RTN1: variants seen among roughly 807,000 people sequenced by gnomAD.
The protein encoded by RTN1 is reticulon 1.
In RTN1, 25 loss-of-function variants were observed where a neutral mutation model predicts 65.5. That is an observed-to-expected ratio of 0.38 (90% CI 0.28 to 0.53). The LOEUF (loss-of-function observed/expected upper bound fraction) is 0.53, where lower values mean the gene tolerates loss of function less well. RTN1 is among the 20% of genes least tolerant of loss of function. RTN1 has a pLI of 0.79. For missense variants in RTN1, 983 were observed against 1,025.4 expected (o/e 0.96, Z 0.57); for synonymous variants, 471 against 447.6 (o/e 1.05, Z -0.66).
chr14:59,829,452 T>C lies in RTN1; in HGVS notation c.241+40938A>G, dbSNP rs1007025771. ...AAATCTCAGTGACTTAAATATTTTA[T>C]AGTTATGTAAGTAACACCCATGGGG... On this transcript the variant is annotated intron_variant, in intron 1 of 8. Coordinates refer to ENST00000267484, the MANE Select transcript of RTN1 (RefSeq NM_021136.3). This position sits in a 1 kb window ranked among gnomAD's most constrained non-coding sequence, Gnocchi z 4.3. 6.6e-6 allele frequency among the ~76,000 whole-genome samples: 1 copy of C among 152,210 alleles called. No individual in the cohort carries two copies. The highest frequency in any genetic ancestry group is 2.4e-5 in the African/African-American group (1 of 41,456).
intron 2 of RTN1, among the ~76,000 whole-genome samples, chr14:59,733,478 C>G (rs1884943849): frequency 6.6e-6 from 1 of 151,908 alleles, no homozygotes; most frequent in Non-Finnish European, 1.5e-5. Flanking sequence ...CATCTGCTGG[C>G]ACATATTAGG....
chr14:59,677,785 C>A (rs1469605531), intron 3 of RTN1, among the ~76,000 whole-genome samples: 3 of 152,024 alleles, frequency 2.0e-5, no homozygotes, highest in Non-Finnish European at 4.4e-5. Context: ...CCAAAGGTGA[C>A]AATAACTCAG....
intron 3 of RTN1, among the ~76,000 whole-genome samples, chr14:59,636,679 T>C (rs1395008830): frequency 6.6e-6 from 1 of 152,218 alleles, no homozygotes; most frequent in Non-Finnish European, 1.5e-5. Flanking sequence ...CTTAGAGATA[T>C]TGTGGGTTCT....
In RTN1 at chr14:59,870,711, C is replaced by T. The variant is rs1409916529; in HGVS notation, c.-81G>A. The T allele has an allele frequency of 5.5e-6, 7 of 1,266,644 alleles. No individual in the cohort carries two copies. The highest frequency in any genetic ancestry group is 6.9e-6 in the Non-Finnish European group (7 of 1,007,738). 78.5% of individuals were successfully genotyped at this position (1,266,644 alleles called of 1,614,324 possible). A position where few individuals can be genotyped will look rare whatever the true frequency, so the allele number is the denominator to read the frequency against. On this transcript the variant is annotated 5_prime_UTR_variant, in exon 1 of 9. Coordinates refer to ENST00000267484, the MANE Select transcript of RTN1 (RefSeq NM_021136.3). This position sits in a 1 kb window ranked among gnomAD's most constrained non-coding sequence, Gnocchi z 5.1. ...CTGCGCGGGCGCTCCCTGCTGCTGT[C>T]CCCGGAGGGACTCGGCGCTCAGGGA... is the stretch of plus-strand genomic sequence containing the variant.
chr14:59,628,089 C>T (rs531427545), intron 3 of RTN1, among the ~76,000 whole-genome samples: 13 of 152,100 alleles, frequency 8.5e-5, no homozygotes, highest in Admixed American at 2.6e-4. Context: ...AATCCCAACA[C>T]TTTGGGAGGC....
intron 1 of RTN1, among the ~76,000 whole-genome samples, chr14:59,839,305 T>C (rs1347264700): frequency 6.6e-6 from 1 of 152,228 alleles, no homozygotes; most frequent in Non-Finnish European, 1.5e-5. Context: ...ACAGGAACCC[T>C]ATCTTCCTTT....
At chr14:59,701,352 T>C (rs1470894011) in intron 3 of RTN1, among the ~76,000 whole-genome samples, 4 of 152,202 alleles carry the variant, frequency 2.6e-5, no homozygotes, top group African/African-American at 9.6e-5. Context: ...GCATGTGTCC[T>C]CACAAAAACC....
intron 3 of RTN1, among the ~76,000 whole-genome samples, chr14:59,625,275 T>A (rs1281265623): frequency 6.6e-6 from 1 of 152,164 alleles, no homozygotes; most frequent in African/African-American, 2.4e-5. Flanking sequence ...AATAATAGAT[T>A]TGAAGATGTA....
rs930603231 is a variant in RTN1 at position 59,849,826 on chromosome 14, T to A, written c.241+20564A>T. On this transcript the variant is annotated intron_variant, in intron 1 of 8. Transcript: ENST00000267484. The surrounding 1 kb of genome is among the most constrained non-coding windows in gnomAD (Gnocchi z 4.5). ...GTTCTAGAATTTAGCCAAGTCTTCT[T>A]AACTACTTCTCTTTTCCTCTTCTTC... Among the ~76,000 whole-genome samples, 1 of 152,204 alleles carries A rather than the reference T, an allele frequency of 6.6e-6. No individual in the cohort carries two copies. Among genetic ancestry groups the A allele is most frequent in the Non-Finnish European group, 1.5e-5 (1 of 68,034 alleles).
chr14:59,797,108 C>T (rs10467806), intron 1 of RTN1, among the ~76,000 whole-genome samples: 2,399 of 152,266 alleles, frequency 0.016, 58 homozygotes, highest in African/African-American at 0.053. Flanking sequence ...AAGCTCTTTG[C>T]TTCCATGGAT....
chr14:59,726,842 C>T, intron 3 of RTN1, 77 bp downstream of exon 3: 1 of 1,322,590 alleles, frequency 7.6e-7, no homozygotes, highest in Non-Finnish European at 1.0e-6. Context: ...AGGGCTGAGC[C>T]AGAACCGCCC....
At chr14:59,761,225 A>G (rs1262373775) in intron 1 of RTN1, among the ~76,000 whole-genome samples, 1 of 152,160 alleles carries the variant, frequency 6.6e-6, no homozygotes, top group East Asian at 1.9e-4. Context: ...AGACCCTGAT[A>G]TGGTTTGGCT....
intron 1 of RTN1, among the ~76,000 whole-genome samples, chr14:59,843,324 G>C (rs535204490): frequency 6.6e-6 from 1 of 152,336 alleles, no homozygotes; most frequent in East Asian, 1.9e-4. Context: ...TTGACTAGGA[G>C]AAGTGGTATG....
chr14:59,602,753 A>G (rs1881618951), intron 8 of RTN1, among the ~76,000 whole-genome samples: 1 of 152,142 alleles, frequency 6.6e-6, no homozygotes, highest in Admixed American at 6.5e-5. Context: ...TTTTGAATCA[A>G]GTTTCCTTCT....
chr14:59,791,590 T>G (rs1206348756), intron 1 of RTN1, among the ~76,000 whole-genome samples: 1 of 152,122 alleles, frequency 6.6e-6, no homozygotes, highest in Non-Finnish European at 1.5e-5. Flanking sequence ...CAGCAGTGGA[T>G]CCCACTCTCC....
intron 1 of RTN1, among the ~76,000 whole-genome samples, chr14:59,762,234 G>T (rs531177513): frequency 1.3e-5 from 2 of 152,228 alleles, no homozygotes; most frequent in Non-Finnish European, 2.9e-5. Context: ...CTGGCCTGGG[G>T]TTGGACATCC....
intron 1 of RTN1, among the ~76,000 whole-genome samples, chr14:59,813,954 T>C (rs950181175): frequency 5.3e-5 from 8 of 152,292 alleles, no homozygotes; most frequent in Admixed American, 6.5e-5. Flanking sequence ...GATAAAACAA[T>C]TGGAACTGCA....
At chr14:59,787,736 T>C (rs898212538) in intron 1 of RTN1, among the ~76,000 whole-genome samples, 1 of 152,160 alleles carries the variant, frequency 6.6e-6, no homozygotes, top group Non-Finnish European at 1.5e-5. Flanking sequence ...TGGGGTCTCA[T>C]GTAGACTGGG....
chr14:59,727,168 C>A lies in RTN1; in HGVS notation c.1516G>T (p.Ala506Ser), dbSNP rs748288769. ...CGCCGGCTTGGCGCACGCTCCTCGGCCCGGACGCCAGTCTCCTCCCGGATG... is the reference window on the plus strand; with the variant it reads ...CGCCGGCTTGGCGCACGCTCCTCGGACCGGACGCCAGTCTCCTCCCGGATG... ...DAIREETGVR[A>S]EERAPSRRGL... The change falls in exon 3 of 9, where the codon GCC becomes TCC. Residue 506 changes from alanine (A) to serine (S), a missense_variant. By Grantham distance (99) the Ala-to-Ser change is moderately conservative (BLOSUM62 1). Coordinates refer to ENST00000267484, the MANE Select transcript of RTN1 (RefSeq NM_021136.3). The surrounding 1 kb of genome is among the most constrained non-coding windows in gnomAD (Gnocchi z 4.2). 1.3e-6 allele frequency: 2 copies of A among 1,590,602 alleles called. No homozygotes were observed. Among genetic ancestry groups the A allele is most frequent in the East Asian group, 4.6e-5 (2 of 43,954 alleles).
Sources: allele counts gnomAD v4.1 joint callset (sites outside exome capture counted in the v4.1 genomes callset), GRCh38; gene constraint gnomAD v4.1.1; non-coding constraint Gnocchi (gnomAD v3.1); transcripts MANE v1.5; gene names NCBI Gene and HGNC (gene_info 2026-07-23, HGNC 2026-07-21).